The following IDO2 variants were observed in gnomAD, a reference collection of about 807,000 sequenced individuals.
IDO2 encodes the protein indoleamine 2,3-dioxygenase 2.
A neutral mutation model predicts 45.1 loss-of-function variants in IDO2; 46 were observed. The observed-to-expected ratio is 1.02, with a 90% CI of 0.80 to 1.30. IDO2 has a LOEUF of 1.30. Ranked by LOEUF, IDO2 falls within the 50% of genes most tolerant of loss-of-function variation. The probability of loss-of-function intolerance (pLI) is 0.00; values close to 1 mark genes in which losing one functional copy is unlikely to be tolerated. For synonymous variants in IDO2, 218 were observed against 184.9 expected (o/e 1.18, Z -1.45); for missense variants, 544 against 491.8 (o/e 1.11, Z -1.00).
At chr8:40,010,467 A>T (rs1802294224) in intron 9 of IDO2, among the ~76,000 whole-genome samples, 1 of 152,194 alleles carries the variant, frequency 6.6e-6, no homozygotes, top group African/African-American at 2.4e-5. Context: ...TAACAATGTG[A>T]TCTGCCTTCA....
rs150058909 is a variant in IDO2 at position 39,940,449 on chromosome 8, A to G, written c.-18+5231A>G. Among the ~76,000 whole-genome samples, 154 of 152,354 alleles carry G rather than the reference A, an allele frequency of 1.0e-3. 1 individual carries two copies. The highest frequency in any genetic ancestry group is 3.6e-3 in the African/African-American group (148 of 41,580). On this transcript the variant is annotated intron_variant, in intron 1 of 10. Coordinates refer to ENST00000502986, the Ensembl canonical transcript of IDO2. ...ACTACATTAGTAGCAATCAGACCAG[A>G]TAGAACTGGAAGTGTGATGTAAATG...
intron 1 of IDO2, among the ~76,000 whole-genome samples, chr8:39,939,322 G>C (rs1208996829): frequency 6.6e-6 from 1 of 151,160 alleles, no homozygotes; most frequent in East Asian, 1.9e-4. Context: ...TGAGGTAGGC[G>C]GATCACTTGA....
chr8:39,995,179 CCTTCTTCTTCTTCTTCTTCTT>C (rs1293164862), intron 8 of IDO2: 17 of 113,016 alleles, frequency 1.5e-4, no homozygotes, highest in African/African-American at 6.0e-4. Context: ...TCCTCTTCTT[CCTTCTTCTTCTTCTTCTTCTT>C]CTCCTTCTCC....
chr8:39,956,713 C>A (rs1807907249), intron 2 of IDO2, among the ~76,000 whole-genome samples: 1 of 151,874 alleles, frequency 6.6e-6, no homozygotes, highest in Admixed American at 6.6e-5. Flanking sequence ...TTGTAGTAGG[C>A]CCTGTGTTAA....
At chr8:39,979,821 GATT>G (rs1181009887) in intron 4 of IDO2, among the ~76,000 whole-genome samples, 16 of 151,848 alleles carry the variant, frequency 1.1e-4, no homozygotes, top group African/African-American at 3.6e-4. Flanking sequence ...TTTGAAGGCA[GATT>G]GCCTTTTTGC....
intron 8 of IDO2, among the ~76,000 whole-genome samples, chr8:40,002,397 C>T (rs939036135): frequency 1.3e-4 from 20 of 152,172 alleles, no homozygotes; most frequent in African/African-American, 4.3e-4. Context: ...TCAAGCAGAG[C>T]AAACCCCGTC....
chr8:39,990,410 C>T (rs901729463), intron 8 of IDO2, among the ~76,000 whole-genome samples: 2 of 152,158 alleles, frequency 1.3e-5, no homozygotes, highest in Non-Finnish European at 2.9e-5. Context: ...ACAAATAGAG[C>T]TGGGGAAGGC....
intron 3 of IDO2, among the ~76,000 whole-genome samples, chr8:39,968,193 C>T (rs1439421335): frequency 6.6e-6 from 1 of 151,902 alleles, no homozygotes; most frequent in Non-Finnish European, 1.5e-5. Flanking sequence ...TTCAGCGATA[C>T]AAATGATTGA....
At chr8:39,985,601 A>T in intron 6 of IDO2, 79 bp downstream of exon 6, 2 of 1,186,462 alleles carry the variant, frequency 1.7e-6, no homozygotes, top group East Asian at 2.5e-5. Context: ...AGAACAAAGC[A>T]TGCTAAATTA....
At chr8:39,957,564 T>G (rs1807923494) in intron 2 of IDO2, among the ~76,000 whole-genome samples, 1 of 152,180 alleles carries the variant, frequency 6.6e-6, no homozygotes, top group African/African-American at 2.4e-5. Context: ...ATAAGCTATA[T>G]TTGTACCACT....
intron 7 of IDO2, 92 bp downstream of exon 7, chr8:39,988,062 C>A (rs146858481): frequency 8.7e-5 from 63 of 721,664 alleles, no homozygotes; most frequent in Non-Finnish European, 1.4e-4. Context: ...TTTCTCAACA[C>A]AAATGAACAT....
chr8:39,937,241 G>A (rs1423637672), intron 1 of IDO2, among the ~76,000 whole-genome samples: 1 of 152,218 alleles, frequency 6.6e-6, no homozygotes, highest in African/African-American at 2.4e-5. Context: ...TTATCATGCA[G>A]GTGGGATTAT....
chr8:39,952,017 T>C (rs1231848344), intron 2 of IDO2, among the ~76,000 whole-genome samples: 1 of 152,254 alleles, frequency 6.6e-6, no homozygotes, highest in Non-Finnish European at 1.5e-5. Context: ...GTGGTTTTAC[T>C]GTGTTATGTT....
At chr8:39,936,320 T>C (rs1374431763) in intron 1 of IDO2, among the ~76,000 whole-genome samples, 1 of 152,184 alleles carries the variant, frequency 6.6e-6, no homozygotes, top group African/African-American at 2.4e-5. Context: ...ATTCAAGTCA[T>C]TGCAAAATCT....
chr8:40,016,199 T>G (rs1277871234), exon 11 of IDO2: 7 of 397,840 alleles, frequency 1.8e-5, no homozygotes, highest in Non-Finnish European at 3.1e-5. Context: ...CGGATGAGAC[T>G]TTCCACGTGG....
intron 8 of IDO2, among the ~76,000 whole-genome samples, chr8:39,999,573 C>T (rs1190547637): frequency 2.0e-5 from 3 of 152,010 alleles, no homozygotes; most frequent in African/African-American, 7.3e-5. Context: ...GCCACCACGC[C>T]TGGCCACAAT....
chr8:39,966,178 G>T (rs2729476), intron 3 of IDO2, among the ~76,000 whole-genome samples: 55,487 of 151,450 alleles, frequency 0.37, 10,666 homozygotes, highest in East Asian at 0.58. Context: ...ACAGGCACCC[G>T]CCACCATGCC....
At chr8:39,990,532 A>T (rs1342004348) in intron 8 of IDO2, among the ~76,000 whole-genome samples, 2 of 152,246 alleles carry the variant, frequency 1.3e-5, no homozygotes, top group Non-Finnish European at 2.9e-5. Context: ...ACACAAAAAA[A>T]TACTTACACA....
chr8:39,953,576 A>T (rs1807842984), intron 2 of IDO2, among the ~76,000 whole-genome samples: 1 of 151,940 alleles, frequency 6.6e-6, no homozygotes, highest in Non-Finnish European at 1.5e-5. Flanking sequence ...TATTATTATT[A>T]TTTTTGAGAC....
Sources: allele counts gnomAD v4.1 joint callset (sites outside exome capture counted in the v4.1 genomes callset), GRCh38; gene constraint gnomAD v4.1.1; transcripts MANE v1.5; gene names NCBI Gene and HGNC (gene_info 2026-07-23, HGNC 2026-07-21).